The following TMEM131L variants were observed in gnomAD, a reference collection of about 807,000 sequenced individuals.
The protein encoded by TMEM131L is transmembrane protein 131-like.
Under a neutral mutation model 192.2 loss-of-function variants are expected in TMEM131L, and 54 were observed. The observed-to-expected ratio is 0.28, with a 90% CI of 0.23 to 0.35. The LOEUF is 0.35. TMEM131L is among the 10% of genes least tolerant of loss of function. TMEM131L has a pLI of 1.00. For missense variants in TMEM131L, 1,888 were observed against 1,972.9 expected, an observed-to-expected ratio of 0.96 and a Z score of 0.82; for synonymous variants, 701 against 704.9, an observed-to-expected ratio of 0.99 and a Z score of 0.09.
chr4:153,484,763 C>T (rs1302163258), intron 3 of TMEM131L, among the ~76,000 whole-genome samples: 3 of 146,164 alleles, frequency 2.1e-5, no homozygotes, highest in Admixed American at 6.9e-5. Context: ...CCACCGTGCC[C>T]GGCCATAGGG....
rs761051242 is a variant in TMEM131L at position 153,602,577 on chromosome 4, G to A, written c.2489G>A (p.Arg830Gln). 2.3e-5 allele frequency: 37 copies of A among 1,613,828 alleles called. No individual in the cohort carries two copies. Among genetic ancestry groups the A allele is most frequent in the African/African-American group, 2.7e-5 (2 of 74,808 alleles). ...TPDFTSSWVI[R>Q]DLSLVTAADL... ...GACTTTACCTCCTCCTGGGTAATTC[G>A]GGACCTAAGTCTTGTAACCGCAGCG... is the stretch of plus-strand genomic sequence containing the variant. The change falls in exon 23 of 35, where the codon CGG (arginine) becomes CAG (glutamine). Residue 830 changes from arginine to glutamine, a missense_variant. Arg to Gln is a conservative substitution (Grantham distance 43). Transcript: ENST00000409959.
chr4:153,612,977 A>C (rs1313503818), intron 26 of TMEM131L, among the ~76,000 whole-genome samples: 4 of 152,172 alleles, frequency 2.6e-5, no homozygotes, highest in Admixed American at 2.6e-4. Flanking sequence ...TAGACAGAAA[A>C]ATCAAGAAGT....
chr4:153,497,878 CAAA>C (rs200874155), intron 3 of TMEM131L, among the ~76,000 whole-genome samples: 12 of 70,330 alleles, frequency 1.7e-4, no homozygotes, highest in East Asian at 3.3e-4. Context: ...GAAAAATTTC[CAAA>C]AAAAAAAAAA....
At chr4:153,488,654 C>T (rs1732539144) in intron 3 of TMEM131L, among the ~76,000 whole-genome samples, 1 of 152,190 alleles carries the variant, frequency 6.6e-6, no homozygotes, top group African/African-American at 2.4e-5. Context: ...CAGGAAGCAA[C>T]TCAAGTTCAA....
intron 2 of TMEM131L, among the ~76,000 whole-genome samples, chr4:153,468,003 G>A (rs1231325315): frequency 6.6e-6 from 1 of 152,198 alleles, no homozygotes; most frequent in African/African-American, 2.4e-5. Flanking sequence ...TAACGGTAGT[G>A]ATCCAAAATG....
At chr4:153,570,932 G>A (rs188473771) in intron 7 of TMEM131L, among the ~76,000 whole-genome samples, 28 of 152,134 alleles carry the variant, frequency 1.8e-4, no homozygotes, top group Middle Eastern at 3.4e-3. Flanking sequence ...TGTGTTAGTC[G>A]GCTGTTCCCC....
chr4:153,583,088 A>G, intron 9 of TMEM131L, 102 bp from the exon 10 acceptor site: 1 of 713,800 alleles, frequency 1.4e-6, no homozygotes, highest in South Asian at 1.6e-5. Flanking sequence ...AGAAATGTGT[A>G]ATGTGGTATT....
chr4:153,477,165 C>G (rs1480851024), intron 3 of TMEM131L, among the ~76,000 whole-genome samples: 2 of 151,770 alleles, frequency 1.3e-5, no homozygotes, highest in Admixed American at 1.3e-4. Context: ...GAGAGAGCAT[C>G]TAGATTTTGG....
intron 7 of TMEM131L, among the ~76,000 whole-genome samples, chr4:153,561,291 T>C (rs917375913): frequency 3.3e-5 from 5 of 152,266 alleles, no homozygotes; most frequent in Non-Finnish European, 1.5e-5. Flanking sequence ...CTTTATCAGG[T>C]ACATGGTTTG....
intron 3 of TMEM131L, among the ~76,000 whole-genome samples, chr4:153,546,229 T>C (rs1241804290): frequency 1.1e-4 from 16 of 150,814 alleles, no homozygotes; most frequent in Admixed American, 1.1e-3. Flanking sequence ...TTTTTTTTTT[T>C]ACAATTATCT....
chr4:153,496,399 C>A (rs1159918979), intron 3 of TMEM131L, among the ~76,000 whole-genome samples: 1 of 152,194 alleles, frequency 6.6e-6, no homozygotes, highest in Non-Finnish European at 1.5e-5. Flanking sequence ...GGACCACCCC[C>A]CTCATGTCAG....
At position 153,556,968 on chromosome 4, in the gene TMEM131L, A is replaced by G. The variant is rs370129675; in HGVS notation, c.435A>G (p.Val145=). ...CTGACTGGGGACCTTTCTTTCAGGTAATTCCAGCAATGGGGAAAACTTCCT... is the reference window on the plus strand; with the variant it reads ...CTGACTGGGGACCTTTCTTTCAGGTGATTCCAGCAATGGGGAAAACTTCCT... ...HFHVPPVPCR[V]IPAMGKTSFR... is the part of the protein sequence containing the mutation. Residue 145 remains valine, a splice_region_variant and synonymous_variant, in exon 6 of 35, where the codon GTA becomes GTG. Transcript: ENST00000409959. The G allele has an allele frequency of 2.2e-5, 33 of 1,530,590 alleles. No homozygotes were observed. Among genetic ancestry groups the G allele is most frequent in the Non-Finnish European group, 2.9e-5 (32 of 1,108,754 alleles). The allele number at this position is 1,530,590 out of a possible 1,614,324, so 94.8% of individuals were successfully genotyped here.
intron 3 of TMEM131L, among the ~76,000 whole-genome samples, chr4:153,504,004 T>C (rs1375879220): frequency 6.6e-6 from 1 of 152,228 alleles, no homozygotes; most frequent in Non-Finnish European, 1.5e-5. Context: ...TCTTGCTCTG[T>C]CGCCCAGGCT....
At chr4:153,603,648 C>T in intron 24 of TMEM131L, 154 bp from the exon 25 acceptor site, 1 of 1,007,348 alleles carries the variant, frequency 9.9e-7, no homozygotes, top group Non-Finnish European at 1.4e-6. Flanking sequence ...GATGGGTATT[C>T]TCATTGGCAG....
chr4:153,558,837 G>C (rs1003442846), intron 7 of TMEM131L: 1 of 152,412 alleles, frequency 6.6e-6, no homozygotes, highest in Non-Finnish European at 1.5e-5. Flanking sequence ...GCCCTGCCCG[G>C]ATGGGGCTTG....
At chr4:153,523,142 T>C (rs1000094204) in intron 3 of TMEM131L, among the ~76,000 whole-genome samples, 5 of 152,262 alleles carry the variant, frequency 3.3e-5, no homozygotes, top group African/African-American at 1.2e-4. Context: ...TTTTAACTTT[T>C]GTGCCCTTAG....
intron 3 of TMEM131L, among the ~76,000 whole-genome samples, chr4:153,501,346 G>A (rs1407451560): frequency 2.0e-5 from 3 of 152,020 alleles, no homozygotes; most frequent in East Asian, 3.9e-4. Context: ...GACTACAGGC[G>A]CGTGCCACCA....
At chr4:153,569,602 T>C (rs1011915030) in intron 7 of TMEM131L, among the ~76,000 whole-genome samples, 1 of 151,916 alleles carries the variant, frequency 6.6e-6, no homozygotes, top group African/African-American at 2.4e-5. Context: ...ATAGTGGGAG[T>C]GAATAAGAGG....
chr4:153,615,741 G>A (rs143285113), intron 26 of TMEM131L, among the ~76,000 whole-genome samples: 1,830 of 152,216 alleles, frequency 0.012, 83 homozygotes, highest in Admixed American at 0.084. Flanking sequence ...GATACATAGC[G>A]TTGTGTGCTG....
Sources: gnomAD v4.1 joint callset for allele counts (sites outside exome capture counted in the v4.1 genomes callset) on GRCh38, gnomAD v4.1.1 for gene constraint, MANE v1.5 for transcripts, NCBI Gene and HGNC (gene_info 2026-07-23, HGNC 2026-07-21) for gene names.